ARHGEF38: variants seen among roughly 807,000 people sequenced by gnomAD.
ARHGEF38 encodes the protein Rho guanine nucleotide exchange factor 38, also known as Rho guanine nucleotide exchange factor (GEF) 38.
In ARHGEF38, 79 loss-of-function variants were observed where a neutral mutation model predicts 79.9. The observed-to-expected ratio is 0.99, with a 90% CI of 0.82 to 1.19. The LOEUF is 1.19. ARHGEF38 is among the 50% of genes most tolerant of loss of function. The pLI is 0.00. For missense variants in ARHGEF38, 962 were observed against 907.2 expected, an observed-to-expected ratio of 1.06 and a Z score of -0.78; for synonymous variants, 366 against 328.3, an observed-to-expected ratio of 1.11 and a Z score of -1.24.
rs1731189469 is a variant in ARHGEF38, at chr4:105,678,311, T to C, written c.*374T>C. ...GTATGATGTATTTTGCCTTAAATGT[T>C]TTTGTTTTTCATATTGCTCTCTTGC... On this transcript the variant is annotated 3_prime_UTR_variant, in exon 14 of 14. Transcript: ENST00000420470. The C allele has an allele frequency of 6.0e-6, 1 of 165,802 alleles. No homozygotes were observed. Among genetic ancestry groups the C allele is most frequent in the Non-Finnish European group, 1.3e-5 (1 of 76,224 alleles). 10.3% of individuals were successfully genotyped at this position (165,802 alleles called of 1,614,324 possible).
In ARHGEF38 at chr4:105,552,742, C is replaced by G. The variant is rs1434292233; in HGVS notation, c.-24C>G. 1 of 1,587,748 alleles carries G rather than the reference C, an allele frequency of 6.3e-7. No homozygotes were observed. Among genetic ancestry groups the G allele is most frequent in the Non-Finnish European group, 8.6e-7 (1 of 1,167,692 alleles). The stretch of plus-strand genomic sequence containing the variant: ...TAGCAATCAGCCATTGCCTGCAAGC[C>G]TCCAAAGCTTGTCTTTGCCTAATAT... On this transcript the variant is annotated 5_prime_UTR_variant, in exon 1 of 14. Transcript: ENST00000420470.
chr4:105,617,322 G>A (rs1031182133), intron 3 of ARHGEF38, among the ~76,000 whole-genome samples: 1 of 152,130 alleles, frequency 6.6e-6, no homozygotes. Flanking sequence ...AATCTATAGA[G>A]CAGACGTGTA....
chr4:105,595,624 T>A (rs964366030), intron 2 of ARHGEF38, among the ~76,000 whole-genome samples: 2 of 152,182 alleles, frequency 1.3e-5, no homozygotes, highest in Admixed American at 1.3e-4. Flanking sequence ...TACGGGGCAC[T>A]GGCTCCAGGA....
intron 13 of ARHGEF38, among the ~76,000 whole-genome samples, chr4:105,674,723 G>C (rs1261166547): frequency 6.6e-6 from 1 of 151,988 alleles, no homozygotes; most frequent in African/African-American, 2.4e-5. Context: ...AGCATTGAAA[G>C]TATATAATTT....
intron 5 of ARHGEF38, among the ~76,000 whole-genome samples, chr4:105,641,750 G>A (rs1053853721): frequency 6.6e-6 from 1 of 151,270 alleles, no homozygotes; most frequent in Non-Finnish European, 1.5e-5. Context: ...CCAGCATAAT[G>A]TTTATATTAT....
intron 10 of ARHGEF38, among the ~76,000 whole-genome samples, chr4:105,664,049 T>A (rs1411932008): frequency 2.0e-5 from 3 of 151,838 alleles, no homozygotes; most frequent in African/African-American, 7.3e-5. Context: ...ATGTCAATGA[T>A]CATTTGGGTT....
intron 1 of ARHGEF38, chr4:105,561,474 A>AGAATGGAATAGAATG (rs1560684594): frequency 3.9e-5 from 2 of 50,778 alleles, no homozygotes; most frequent in African/African-American, 1.7e-4. Context: ...AGAATAGAAT[A>AGAATGGAATAGAATG]GAATAGAATA....
chr4:105,648,848 TTC>T (rs374420145), intron 7 of ARHGEF38, among the ~76,000 whole-genome samples, 166 bp downstream of exon 7: 126 of 108,000 alleles, frequency 1.2e-3, no homozygotes, highest in East Asian at 2.3e-3. Context: ...CTCTCTCTCT[TTC>T]TCTCTCTCTC....
intron 3 of ARHGEF38, among the ~76,000 whole-genome samples, chr4:105,621,671 A>G (rs1696730571): frequency 6.6e-6 from 1 of 152,210 alleles, no homozygotes; most frequent in Admixed American, 6.5e-5. Context: ...GACAATTCAT[A>G]TCATAATGCT....
chr4:105,561,128 C>T (rs543052185), intron 1 of ARHGEF38, among the ~76,000 whole-genome samples: 13 of 152,100 alleles, frequency 8.5e-5, no homozygotes, highest in Non-Finnish European at 1.5e-4. Context: ...TGGCTCATGC[C>T]TGTAATCCCA....
chr4:105,647,846 G>T (rs568812119), intron 6 of ARHGEF38, among the ~76,000 whole-genome samples: 1 of 151,660 alleles, frequency 6.6e-6, no homozygotes, highest in Admixed American at 6.6e-5. Flanking sequence ...AGGATCTGAG[G>T]TCTCCTTACA....
intron 5 of ARHGEF38, among the ~76,000 whole-genome samples, chr4:105,637,161 T>G (rs555721199): frequency 6.6e-6 from 1 of 152,274 alleles, no homozygotes; most frequent in East Asian, 1.9e-4. Context: ...GTATGTACTT[T>G]AAATTCCTAA....
chr4:105,564,574 G>A lies in ARHGEF38; in HGVS notation c.196+11613G>A, dbSNP rs1725796349. On this transcript the variant is annotated intron_variant, in intron 1 of 13. Transcript: ENST00000420470. ...AAAGTTGTAATGATTGCATAATAAT[G>A]TGAATGTATTTAATGATACTGAACT... 2.6e-5 allele frequency among the ~76,000 whole-genome samples: 4 copies of A among 152,268 alleles called. No individual in the cohort carries two copies. The Middle Eastern group carries it at 0.01, about 388-fold the overall frequency.
intron 1 of ARHGEF38, among the ~76,000 whole-genome samples, chr4:105,556,085 C>G (rs917836738): frequency 6.6e-6 from 1 of 152,116 alleles, no homozygotes; most frequent in African/African-American, 2.4e-5. Flanking sequence ...ACTCCTTGAA[C>G]AGATTAATTC....
intron 4 of ARHGEF38, among the ~76,000 whole-genome samples, chr4:105,632,164 G>A (rs2110519429): frequency 6.6e-6 from 1 of 152,198 alleles, no homozygotes; most frequent in African/African-American, 2.4e-5. Flanking sequence ...AATGAGCCCA[G>A]TGAATTTTTT....
chr4:105,676,010 G>T (rs971191776), intron 13 of ARHGEF38, among the ~76,000 whole-genome samples: 10 of 152,184 alleles, frequency 6.6e-5, no homozygotes, highest in African/African-American at 2.4e-4. Context: ...TTTCCTTGGG[G>T]AGCAGCTCAT....
At chr4:105,554,502 C>T (rs536856745) in intron 1 of ARHGEF38, among the ~76,000 whole-genome samples, 4 of 152,252 alleles carry the variant, frequency 2.6e-5, no homozygotes, top group South Asian at 2.1e-4. Context: ...TAATGGCCTC[C>T]GGTTGTATCC....
intron 13 of ARHGEF38, among the ~76,000 whole-genome samples, chr4:105,669,788 A>T (rs2110581355): frequency 6.6e-6 from 1 of 152,244 alleles, no homozygotes; most frequent in Non-Finnish European, 1.5e-5. Context: ...ACCCATTTGT[A>T]GTCCCTCCTC....
intron 13 of ARHGEF38, among the ~76,000 whole-genome samples, chr4:105,676,849 A>G (rs1334246560): frequency 6.6e-6 from 1 of 152,156 alleles, no homozygotes; most frequent in Non-Finnish European, 1.5e-5. Flanking sequence ...AAACAATAAT[A>G]TTAGACTTAT....
Sources: allele counts gnomAD v4.1 joint callset (sites outside exome capture counted in the v4.1 genomes callset), GRCh38; gene constraint gnomAD v4.1.1; transcripts MANE v1.5; gene names NCBI Gene and HGNC (gene_info 2026-07-23, HGNC 2026-07-21).